Variants in ANO4 observed in about 807,000 individuals in gnomAD.
ANO4 encodes anoctamin-4.
A neutral mutation model predicts 141.9 loss-of-function variants in ANO4; 69 were observed. The observed-to-expected ratio is 0.49, with a 90% CI of 0.40 to 0.59. The LOEUF (loss-of-function observed/expected upper bound fraction) is 0.59. Among genes scored for constraint, ANO4 ranks in the 20% least tolerant of loss-of-function variants. The pLI is 0.00. For missense variants in ANO4, 894 were observed against 1,162.2 expected, an observed-to-expected ratio of 0.77 and a Z score of 3.36; for synonymous variants, 350 against 394.3, an observed-to-expected ratio of 0.89 and a Z score of 1.33.
At chr12:100,772,795 A>G (rs2033353270) in intron 3 of ANO4, among the ~76,000 whole-genome samples, 1 of 152,182 alleles carries the variant, frequency 6.6e-6, no homozygotes, top group Non-Finnish European at 1.5e-5. Context: ...ATGGGTTTTC[A>G]TTAATTATTG....
chr12:100,745,199 C>A (rs911838198), intron 3 of ANO4, among the ~76,000 whole-genome samples: 4 of 152,164 alleles, frequency 2.6e-5, no homozygotes. Flanking sequence ...TTTACTGTTC[C>A]CTAAAAGCTC....
chr12:101,111,669 T>C lies in ANO4; in HGVS notation c.2409T>C (p.Tyr803=). Residue 803 remains tyrosine (Y), a synonymous_variant, in exon 24 of 28, where the codon TAT becomes TAC. Transcript: ENST00000392977. Reference sequence around the variant, plus strand: ...TTATCCCTCGCTTGGTGTATGCTTATAAGTATGGACCTTGTGCAGGCCAAG... The same window carrying C: ...TTATCCCTCGCTTGGTGTATGCTTACAAGTATGGACCTTGTGCAGGCCAAG... ...SDFIPRLVYA[Y]KYGPCAGQGE... is the part of the protein sequence containing the mutation. 2 of 1,613,068 alleles carry C rather than the reference T, an allele frequency of 1.2e-6. No individual in the cohort carries two copies. The highest frequency in any genetic ancestry group is 1.7e-4 in the Middle Eastern group (1 of 6,056).
intron 1 of ANO4, among the ~76,000 whole-genome samples, chr12:100,821,253 A>G (rs2036036230): frequency 2.0e-5 from 3 of 152,046 alleles, no homozygotes; most frequent in African/African-American, 7.2e-5. Context: ...AGGAACTAAT[A>G]AAACAACTGT....
chr12:100,734,524 T>C (rs1472787786), intron 2 of ANO4, among the ~76,000 whole-genome samples: 1 of 152,240 alleles, frequency 6.6e-6, no homozygotes, highest in Non-Finnish European at 1.5e-5. Context: ...TATTTTGCAC[T>C]TATTGCCTGC....
At chr12:100,804,658 A>G (rs925682310) in intron 1 of ANO4, among the ~76,000 whole-genome samples, 2 of 152,276 alleles carry the variant, frequency 1.3e-5, no homozygotes, top group South Asian at 2.1e-4. Context: ...CTGGCGTGAG[A>G]TGGTATTTCA....
intron 8 of ANO4, among the ~76,000 whole-genome samples, chr12:100,998,037 T>C (rs2045467566): frequency 2.0e-5 from 3 of 152,220 alleles, no homozygotes; most frequent in Admixed American, 6.5e-5. Context: ...TTGATTGGAT[T>C]GAAGGATGCA....
intron 7 of ANO4, among the ~76,000 whole-genome samples, chr12:100,976,570 C>T (rs1449982005): frequency 6.6e-6 from 1 of 152,208 alleles, no homozygotes; most frequent in Non-Finnish European, 1.5e-5. Flanking sequence ...GATTTCTAGG[C>T]CTCAACCCCA....
At chr12:101,075,007 T>C (rs1299034443) in intron 14 of ANO4, among the ~76,000 whole-genome samples, 2 of 152,078 alleles carry the variant, frequency 1.3e-5, no homozygotes, top group African/African-American at 2.4e-5. Flanking sequence ...GTTTGGGTTT[T>C]TATTGGTTTT....
intron 3 of ANO4, among the ~76,000 whole-genome samples, chr12:100,781,602 TTC>T (rs1292140538): frequency 2.6e-5 from 4 of 152,186 alleles, no homozygotes; most frequent in Non-Finnish European, 5.9e-5. Context: ...CTTGATTGTA[TTC>T]TGTTTCTGTT....
rs548077671 is a variant in ANO4, at chr12:100,782,070, T to G, written c.358+41965T>G. 3.0e-3 allele frequency among the ~76,000 whole-genome samples: 451 copies of G among 152,332 alleles called. 5 individuals are homozygous for G. Among genetic ancestry groups the G allele is most frequent in the African/African-American group, 0.01 (419 of 41,586 alleles). ...CCACAACTTAATCTTATCATTAGTCTGTCTTCTCTCCTTTCTCAAAAGCTG... is the reference window on the plus strand; with the variant it reads ...CCACAACTTAATCTTATCATTAGTCGGTCTTCTCTCCTTTCTCAAAAGCTG... On this transcript the variant is annotated intron_variant, in intron 3 of 29. Coordinates refer to the ANO4 transcript ENST00000644049.
At chr12:101,102,259 G>A (rs1005931639) in intron 22 of ANO4, among the ~76,000 whole-genome samples, 5 of 152,086 alleles carry the variant, frequency 3.3e-5, no homozygotes, top group Admixed American at 2.6e-4. Context: ...GAGTTAGGAG[G>A]CCATAGATAT....
chr12:100,895,313 A>G (rs577333838), intron 1 of ANO4, among the ~76,000 whole-genome samples: 1 of 152,156 alleles, frequency 6.6e-6, no homozygotes, highest in South Asian at 2.1e-4. Context: ...CATTGACAGA[A>G]CGACAAATGT....
Position 101,116,719 on chromosome 12 carries a change from C to T in ANO4, c.2491C>T (p.Arg831Ter), listed in dbSNP as rs145182702. 21 of 1,613,870 alleles carry T rather than the reference C, an allele frequency of 1.3e-5. No individual in the cohort carries two copies. The highest frequency in any genetic ancestry group is 1.6e-4 in the Middle Eastern group (1 of 6,084). ...GYVNASLSVF[R>*]ISDFENRSEP... ...TGTGAATGCCAGCTTGTCTGTATTT[C>T]GAATTTCTGACTTTGAGAACCGATC... The change falls in exon 25 of 28, where the codon CGA becomes TGA. Residue 831 changes from arginine to a stop codon, truncating the protein, a stop_gained. Coordinates refer to ENST00000392977, the MANE Select transcript of ANO4 (RefSeq NM_001286615.2). LOFTEE classifies it high-confidence loss of function.
chr12:101,036,031 T>G (rs767407950), intron 9 of ANO4, among the ~76,000 whole-genome samples: 6 of 152,104 alleles, frequency 3.9e-5, no homozygotes, highest in Non-Finnish European at 5.9e-5. Context: ...TGTTAAAAGT[T>G]AAAATGGGCA....
chr12:100,819,420 A>G (rs1035142211), intron 1 of ANO4, among the ~76,000 whole-genome samples: 11 of 152,008 alleles, frequency 7.2e-5, no homozygotes, highest in Non-Finnish European at 1.6e-4. Context: ...GTTGAAAACT[A>G]TATTTCAGCT....
chr12:100,864,573 G>C (rs1319017111), intron 1 of ANO4, among the ~76,000 whole-genome samples: 1 of 152,042 alleles, frequency 6.6e-6, no homozygotes, highest in African/African-American at 2.4e-5. Context: ...CCCCTCTTCA[G>C]CCTCTCACTC....
At chr12:100,897,760 A>G (rs2040415009) in intron 1 of ANO4, among the ~76,000 whole-genome samples, 1 of 152,232 alleles carries the variant, frequency 6.6e-6, no homozygotes, top group African/African-American at 2.4e-5. Context: ...GATAGTTCTT[A>G]CTAAGGTCTT....
chr12:101,094,698 C>T (rs1259440790), intron 18 of ANO4, among the ~76,000 whole-genome samples: 1 of 152,104 alleles, frequency 6.6e-6, no homozygotes, highest in Admixed American at 6.6e-5. Context: ...TCTTTGAAGA[C>T]TGGAAGGCCA....
intron 8 of ANO4, among the ~76,000 whole-genome samples, chr12:100,991,355 G>A (rs1219413092): frequency 6.6e-6 from 1 of 152,028 alleles, no homozygotes; most frequent in Non-Finnish European, 1.5e-5. Context: ...GGGAATTATA[G>A]CATGATATTC....
Sources: allele counts gnomAD v4.1 joint callset (sites outside exome capture counted in the v4.1 genomes callset), GRCh38; gene constraint gnomAD v4.1.1; transcripts MANE v1.5; gene names NCBI Gene and HGNC (gene_info 2026-07-23, HGNC 2026-07-21).